WDPCP: variants seen among roughly 807,000 people sequenced by gnomAD.
WDPCP encodes the protein WD repeat containing planar cell polarity effector, also known as WD repeat-containing and planar cell polarity effector protein fritz homolog.
In WDPCP, 71 loss-of-function variants were observed where a neutral mutation model predicts 93.1. The ratio of observed to expected loss-of-function variants is 0.76; its 90% CI spans 0.63 to 0.93. The LOEUF is 0.93. Among genes scored for constraint, WDPCP ranks in the 40% least tolerant of loss-of-function variants. The probability of loss-of-function intolerance (pLI) is 0.00; values close to 1 mark genes in which losing one functional copy is unlikely to be tolerated. For missense variants in WDPCP, 844 were observed against 887.4 expected (o/e 0.95, Z 0.62); for synonymous variants, 315 against 315.0 (o/e 1.00, Z 0.00).
intron 12 of WDPCP, among the ~76,000 whole-genome samples, chr2:63,353,550 A>C (rs1402804306): frequency 1.3e-5 from 2 of 152,112 alleles, no homozygotes; most frequent in African/African-American, 4.8e-5. Context: ...CAGGCTTTGG[A>C]GAGTCCAAGC....
chr2:63,824,039 C>G (rs1671072906), intron 1 of WDPCP, among the ~76,000 whole-genome samples: 2 of 152,116 alleles, frequency 1.3e-5, no homozygotes, highest in Non-Finnish European at 2.9e-5. Context: ...CCTCTCAAAT[C>G]TCATCTTGAA....
rs2104919669 is a variant in WDPCP at position 63,279,166 on chromosome 2, G to A, written c.1813-19757C>T. Among the ~76,000 whole-genome samples the A allele has an allele frequency of 1.3e-5, 2 of 152,132 alleles. 1 individual carries two copies. On this transcript the variant is annotated intron_variant, in intron 13 of 17. Transcript: ENST00000272321. Reference sequence around the variant, plus strand: ...GTATCACCATAATACCAAAACCAGGGAAGGACATAACAAAAAATGAAAACT... The same window carrying A: ...GTATCACCATAATACCAAAACCAGGAAAGGACATAACAAAAAATGAAAACT...
At chr2:63,237,206 C>G (rs533670968) in intron 14 of WDPCP, among the ~76,000 whole-genome samples, 3 of 151,720 alleles carry the variant, frequency 2.0e-5, no homozygotes, top group Non-Finnish European at 4.4e-5. Context: ...AGAAGACATA[C>G]AAGTGGCCAA....
chr2:63,660,499 G>A (rs1404028748), intron 2 of WDPCP, among the ~76,000 whole-genome samples: 3 of 152,138 alleles, frequency 2.0e-5, no homozygotes, highest in Non-Finnish European at 4.4e-5. Context: ...GAAAACAAGT[G>A]TCCATTCCAA....
chr2:63,499,443 G>A (rs1182599110), intron 1 of WDPCP, among the ~76,000 whole-genome samples: 1 of 152,170 alleles, frequency 6.6e-6, no homozygotes, highest in Non-Finnish European at 1.5e-5. Flanking sequence ...TCTGATCTGG[G>A]AAGGTATTTT....
chr2:63,357,633 A>G (rs1426282020), intron 12 of WDPCP, among the ~76,000 whole-genome samples: 2 of 152,170 alleles, frequency 1.3e-5, no homozygotes, highest in African/African-American at 4.8e-5. Context: ...TGCGGAGAAA[A>G]GAGAATGCTT....
chr2:63,444,702 A>G (rs534196591), intron 6 of WDPCP, among the ~76,000 whole-genome samples: 75 of 152,326 alleles, frequency 4.9e-4, no homozygotes, highest in African/African-American at 1.7e-3. Flanking sequence ...GACCCGCAGG[A>G]TGAACCAACG....
upstream of WDPCP, among the ~76,000 whole-genome samples, chr2:63,592,068 C>G (rs955519441): frequency 2.0e-5 from 3 of 152,150 alleles, no homozygotes; most frequent in African/African-American, 7.2e-5. Flanking sequence ...TCTCTAGCCC[C>G]CTGTTTTAGA....
At chr2:63,277,200 C>T (rs905292602) in intron 13 of WDPCP, among the ~76,000 whole-genome samples, 1 of 135,204 alleles carries the variant, frequency 7.4e-6, no homozygotes, top group African/African-American at 2.9e-5. Context: ...CACTACCATG[C>T]CAGCATGCCA....
At chr2:63,708,732 C>T (rs192193058) in intron 2 of WDPCP, among the ~76,000 whole-genome samples, 5 of 152,152 alleles carry the variant, frequency 3.3e-5, no homozygotes, top group Admixed American at 6.5e-5. Context: ...AGCTCTAGAT[C>T]GGAGCTGTTC....
chr2:63,594,957 C>A, intron 3 of WDPCP: 1 of 249,100 alleles, frequency 4.0e-6, no homozygotes, highest in South Asian at 5.1e-5. Context: ...AATCTGCTTC[C>A]CCGCTGAAGC....
intron 1 of WDPCP, among the ~76,000 whole-genome samples, chr2:63,575,369 AGTATATACAGTATATACACG>A (rs1707868880): frequency 8.5e-6 from 1 of 118,144 alleles, no homozygotes; most frequent in Non-Finnish European, 1.8e-5. Context: ...CAGTATATAC[AGTATATACAGTATATACACG>A]GTATATACAG....
intron 1 of WDPCP, among the ~76,000 whole-genome samples, chr2:63,536,918 C>G (rs764440912): frequency 6.6e-6 from 1 of 151,576 alleles, no homozygotes; most frequent in African/African-American, 2.4e-5. Flanking sequence ...GGCATGCACC[C>G]CCACACCCAG....
At position 63,708,295 on chromosome 2, in the gene WDPCP, G is replaced by A. The variant is rs113542923; in HGVS notation, n.309-57457C>T. ...TCCACACAGTTTGAGCTTCCCGGCC[G>A]CTTTGTTTACCTACTCAATCCTGGG... On this transcript the variant is annotated intron_variant and non_coding_transcript_variant, in intron 2 of 4. Coordinates refer to the WDPCP transcript ENST00000467687. 1.1e-4 allele frequency among the ~76,000 whole-genome samples: 16 copies of A among 152,286 alleles called. 1 individual carries two copies. Among genetic ancestry groups the A allele is most frequent in the South Asian group, 8.3e-4 (4 of 4,830 alleles).
intron 17 of WDPCP, among the ~76,000 whole-genome samples, chr2:63,127,257 G>A (rs1032395316): frequency 5.9e-5 from 9 of 151,432 alleles, no homozygotes; most frequent in African/African-American, 2.2e-4. Flanking sequence ...GAGTAGCTGA[G>A]ACTACAGGCA....
At chr2:63,475,582 T>A (rs1358941412) in intron 6 of WDPCP, among the ~76,000 whole-genome samples, 1 of 152,158 alleles carries the variant, frequency 6.6e-6, no homozygotes, top group Non-Finnish European at 1.5e-5. Flanking sequence ...AAGATGGGTT[T>A]CTTGTTGAGC....
intron 4 of WDPCP, among the ~76,000 whole-genome samples, chr2:63,485,622 AAATT>A (rs1204251352): frequency 6.6e-6 from 1 of 151,854 alleles, no homozygotes; most frequent in African/African-American, 2.4e-5. Context: ...TGCTTTAAAT[AAATT>A]AAGTGAAGGA....
chr2:63,203,928 C>G (rs1361429175), intron 14 of WDPCP, among the ~76,000 whole-genome samples: 4 of 152,150 alleles, frequency 2.6e-5, no homozygotes, highest in Non-Finnish European at 5.9e-5. Flanking sequence ...TGCATATATA[C>G]ATTTTCTTTA....
chr2:63,634,596 C>T (rs575505919), intron 3 of WDPCP, among the ~76,000 whole-genome samples: 1 of 152,294 alleles, frequency 6.6e-6, no homozygotes, highest in South Asian at 2.1e-4. Context: ...ATGGAACATT[C>T]TCCAGGGTAG....
Sources: gnomAD v4.1 joint callset for allele counts (sites outside exome capture counted in the v4.1 genomes callset) on GRCh38, gnomAD v4.1.1 for gene constraint, MANE v1.5 for transcripts, NCBI Gene and HGNC (gene_info 2026-07-23, HGNC 2026-07-21) for gene names.